Variants in DCAF5 observed in about 807,000 individuals in gnomAD.
DCAF5 encodes the protein DDB1 and CUL4 associated factor 5.
In DCAF5, 9 loss-of-function variants were observed where a neutral mutation model predicts 80.7. That is an observed-to-expected ratio of 0.11 (90% CI 0.07 to 0.19). The LOEUF is 0.19. DCAF5 is among the 10% of genes least tolerant of loss of function. The pLI, the probability that DCAF5 is intolerant of heterozygous loss-of-function variation, is 1.00. For missense variants in DCAF5, 842 were observed against 1,205.7 expected (o/e 0.70, Z 4.47); for synonymous variants, 433 against 461.9 (o/e 0.94, Z 0.80).
chr14:69,102,591 G>GACACAC (rs143602483), intron 5 of DCAF5, among the ~76,000 whole-genome samples: 1,305 of 124,876 alleles, frequency 0.01, 9 homozygotes, highest in Middle Eastern at 0.017. Flanking sequence ...TAAAAACAAA[G>GACACAC]ACACACACAC....
chr14:69,092,925 CTAATATTCTTCTGCAG>C (rs2039582804), intron 5 of DCAF5, among the ~76,000 whole-genome samples: 1 of 152,100 alleles, frequency 6.6e-6, no homozygotes, highest in Admixed American at 6.6e-5. Context: ...TCTGGTTCAC[CTAATATTCTTCTGCAG>C]TTTCATAAGA....
In DCAF5 at chr14:69,055,325, G is replaced by A; in HGVS notation, c.1361C>T (p.Ser454Leu). ...CGAAGACTCTGAGTCAGTGTAGCCT[G>A]AGCGCTCGCTGACCCCAGCGTGCAG... ...LQLHAGVSER[S>L]GYTDSESSAS... The change falls in exon 9 of 9, where the codon TCA becomes TTA. Residue 454 changes from serine to leucine, a missense_variant. Physicochemically the swap from Ser to Leu is moderately radical, Grantham distance 145. This residue lies in a region of DCAF5 where 607 missense variants were observed against 656.6 expected (regional missense o/e 0.92). Transcript: ENST00000341516. The surrounding 1 kb of genome is among the most constrained non-coding windows in gnomAD (Gnocchi z 5.6). The A allele has an allele frequency of 6.2e-7, 1 of 1,614,174 alleles. No homozygotes were observed. The highest frequency in any genetic ancestry group is 8.5e-7 in the Non-Finnish European group (1 of 1,180,042).
intron 6 of DCAF5, among the ~76,000 whole-genome samples, chr14:69,077,084 G>T (rs1044720387): frequency 6.6e-6 from 1 of 152,228 alleles, no homozygotes; most frequent in South Asian, 2.1e-4. Context: ...GAGTAATTTT[G>T]AGAGTTCATT....
intron 5 of DCAF5, among the ~76,000 whole-genome samples, chr14:69,110,919 T>C (rs2040343604): frequency 6.9e-6 from 1 of 144,362 alleles, no homozygotes; most frequent in African/African-American, 2.5e-5. Flanking sequence ...GTGTCTGCTG[T>C]GTAAAAGTTC....
At chr14:69,073,784 C>T (rs568806205) in intron 7 of DCAF5, among the ~76,000 whole-genome samples, 4 of 152,278 alleles carry the variant, frequency 2.6e-5, no homozygotes, top group South Asian at 4.1e-4. Flanking sequence ...GAAGGATTAT[C>T]CACATTCTAT....
At chr14:69,072,039 G>A (rs1259194853) in intron 7 of DCAF5, among the ~76,000 whole-genome samples, 2 of 152,134 alleles carry the variant, frequency 1.3e-5, no homozygotes, top group Admixed American at 1.3e-4. Context: ...GCAATACAAG[G>A]CACAGCTGGG....
intron 5 of DCAF5, among the ~76,000 whole-genome samples, chr14:69,103,502 C>T (rs533105559): frequency 6.6e-6 from 1 of 152,324 alleles, no homozygotes; most frequent in African/African-American, 2.4e-5. Context: ...CATCCTTTAT[C>T]CAGCCTCTTC....
intron 5 of DCAF5, among the ~76,000 whole-genome samples, chr14:69,115,498 A>G (rs921576717): frequency 1.3e-5 from 2 of 152,238 alleles, no homozygotes; most frequent in Non-Finnish European, 2.9e-5. Context: ...ATTCTTCTGC[A>G]ACACTGCTTT....
At chr14:69,106,686 T>C (rs970311629) in intron 5 of DCAF5, among the ~76,000 whole-genome samples, 1 of 151,946 alleles carries the variant, frequency 6.6e-6, no homozygotes, top group East Asian at 1.9e-4. Context: ...TTTACACATA[T>C]TTGAAAAAAA....
chr14:69,142,950 T>A (rs1566790617), intron 1 of DCAF5, among the ~76,000 whole-genome samples: 1 of 152,298 alleles, frequency 6.6e-6, no homozygotes, highest in Admixed American at 6.5e-5. Context: ...CAGACTAAAG[T>A]AGGGAGTTAA....
chr14:69,153,004 G>T lies in DCAF5; in HGVS notation c.-26C>A. On this transcript the variant is annotated 5_prime_UTR_variant, in exon 1 of 9. Transcript: ENST00000341516. ...GCTGGAACCGCCGCCGCCGCCGCTC[G>T]CGCCGCCGCCCCTCCCTCGGCCTCA... The T allele has an allele frequency of 1.3e-6, 2 of 1,525,798 alleles. No homozygotes were observed. 94.5% of individuals were successfully genotyped at this position (1,525,798 alleles called of 1,614,324 possible).
chr14:69,112,974 A>T (rs1283169096), intron 5 of DCAF5, among the ~76,000 whole-genome samples: 1 of 152,040 alleles, frequency 6.6e-6, no homozygotes, highest in Non-Finnish European at 1.5e-5. Context: ...TAATCTGTAC[A>T]ATGAGGAAGT....
At chr14:69,083,040 G>A (rs550880848) in intron 6 of DCAF5, among the ~76,000 whole-genome samples, 4 of 152,226 alleles carry the variant, frequency 2.6e-5, no homozygotes, top group African/African-American at 2.4e-5. Context: ...ACAACTGAAC[G>A]ATTACAAACC....
At position 69,053,683 on chromosome 14, in the gene DCAF5, C is replaced by T. The variant is rs1237862011; in HGVS notation, c.*174G>A. 1 of 619,498 alleles carries T rather than the reference C, an allele frequency of 1.6e-6. No homozygotes were observed. The highest frequency in any genetic ancestry group is 2.7e-6 in the Non-Finnish European group (1 of 371,188). 38.4% of individuals were successfully genotyped at this position (619,498 alleles called of 1,614,324 possible). A position where few individuals can be genotyped will look rare whatever the true frequency, so the allele number is the denominator to read the frequency against. On this transcript the variant is annotated 3_prime_UTR_variant, in exon 9 of 9. Coordinates refer to ENST00000341516, the MANE Select transcript of DCAF5 (RefSeq NM_003861.3). Reference sequence around the variant, plus strand: ...CAGCACAAGCCAATGGCCAGCTAGACATTCAGACCCGTTGTTGAATGTTGG... The same window carrying T: ...CAGCACAAGCCAATGGCCAGCTAGATATTCAGACCCGTTGTTGAATGTTGG...
rs142751184 is a variant in DCAF5, at chr14:69,073,216, T to C, written c.946+2129A>G. 2.0e-5 allele frequency among the ~76,000 whole-genome samples: 3 copies of C among 152,262 alleles called. No individual in the cohort carries two copies. In the East Asian group the frequency reaches 5.8e-4, roughly 29 times the overall value. ...CTACTAAATAAACTTAGGGGTACTA[T>C]CCCTGGAGAACATCTAGAAGGTGAC... On this transcript the variant is annotated intron_variant, in intron 7 of 8. Coordinates refer to ENST00000341516, the MANE Select transcript of DCAF5 (RefSeq NM_003861.3).
intron 5 of DCAF5, among the ~76,000 whole-genome samples, chr14:69,102,564 TA>T (rs1361285204): frequency 4.1e-5 from 5 of 122,478 alleles, no homozygotes; most frequent in Admixed American, 3.0e-4. Context: ...TTTTACTTTT[TA>T]AACTTTTTAT....
intron 5 of DCAF5, among the ~76,000 whole-genome samples, chr14:69,109,019 C>T (rs1016675008): frequency 6.6e-5 from 10 of 152,050 alleles, no homozygotes; most frequent in African/African-American, 2.4e-4. Flanking sequence ...CAACAGTGGC[C>T]TTGGATTCTT....
At chr14:69,068,571 G>A (rs999272460) in intron 7 of DCAF5, among the ~76,000 whole-genome samples, 15 of 152,000 alleles carry the variant, frequency 9.9e-5, no homozygotes, top group African/African-American at 3.4e-4. Flanking sequence ...GCTGGCACAT[G>A]CCCGTAATCC....
chr14:69,068,535 C>T (rs1373511921), intron 7 of DCAF5, among the ~76,000 whole-genome samples: 1 of 151,916 alleles, frequency 6.6e-6, no homozygotes, highest in Non-Finnish European at 1.5e-5. Context: ...CCTGTCTCTA[C>T]TAAAAATACA....
Sources: gnomAD v4.1 joint callset for allele counts (sites outside exome capture counted in the v4.1 genomes callset) on GRCh38, gnomAD v4.1.1 for gene constraint, gnomAD v4.1.1 regional missense constraint, Gnocchi (gnomAD v3.1) non-coding constraint, MANE v1.5 for transcripts, NCBI Gene and HGNC (gene_info 2026-07-23, HGNC 2026-07-21) for gene names.